DAB1: variants seen among roughly 807,000 people sequenced by gnomAD.
The protein encoded by DAB1 is DAB adaptor protein 1.
Under a neutral mutation model 64.6 loss-of-function variants are expected in DAB1, and 15 were observed. The ratio of observed to expected loss-of-function variants is 0.23; its 90% CI spans 0.16 to 0.36. The LOEUF is 0.36. Among genes scored for constraint, DAB1 ranks in the 10% least tolerant of loss-of-function variants. The pLI, the probability that DAB1 is intolerant of heterozygous loss-of-function variation, is 1.00. For synonymous variants in DAB1, 235 were observed against 251.9 expected (o/e 0.93, Z 0.64); for missense variants, 596 against 706.7 (o/e 0.84, Z 1.78).
intron 7 of DAB1, among the ~76,000 whole-genome samples, chr1:57,648,315 G>A (rs1476875310): frequency 3.9e-5 from 6 of 152,192 alleles, no homozygotes; most frequent in African/African-American, 7.2e-5. Context: ...AGTGTCCCCC[G>A]ACCCCAACCC....
chr1:57,050,319 CA>C (rs1215869530), intron 9 of DAB1, among the ~76,000 whole-genome samples: 1 of 152,202 alleles, frequency 6.6e-6, no homozygotes, highest in East Asian at 1.9e-4. Context: ...CTGAAAAAAG[CA>C]AAACTGATGT....
chr1:57,347,095 G>GGGAGAGC (rs1469655229), intron 1 of DAB1, among the ~76,000 whole-genome samples: 3 of 152,198 alleles, frequency 2.0e-5, no homozygotes, highest in Non-Finnish European at 4.4e-5. Context: ...AAGGCAGGAA[G>GGGAGAGC]GGAGAGCCCA....
At chr1:57,854,349 G>A (rs1653662936) in intron 1 of DAB1, among the ~76,000 whole-genome samples, 1 of 152,170 alleles carries the variant, frequency 6.6e-6, no homozygotes, top group African/African-American at 2.4e-5. Flanking sequence ...TCATTACTGG[G>A]CCTATGGGTC....
intron 4 of DAB1, among the ~76,000 whole-genome samples, chr1:58,341,654 C>T (rs1643935812): frequency 6.6e-6 from 1 of 152,130 alleles, no homozygotes; most frequent in Admixed American, 6.6e-5. Context: ...ACTCGAAATC[C>T]CAGGCCTTTA....
chr1:58,544,535 G>C (rs1265378407), intron 1 of DAB1, among the ~76,000 whole-genome samples: 1 of 152,102 alleles, frequency 6.6e-6, no homozygotes, highest in Non-Finnish European at 1.5e-5. Context: ...AATTTCTACG[G>C]GATGTATTAT....
intron 5 of DAB1, among the ~76,000 whole-genome samples, chr1:58,041,575 C>T (rs895564662): frequency 2.0e-5 from 3 of 152,176 alleles, no homozygotes; most frequent in Non-Finnish European, 4.4e-5. Flanking sequence ...GAGTAACCTG[C>T]CTAAGCTCAC....
intron 4 of DAB1, among the ~76,000 whole-genome samples, chr1:58,336,664 T>G (rs1408255914): frequency 6.6e-6 from 1 of 152,202 alleles, no homozygotes. Flanking sequence ...CAATCCTTTA[T>G]CAGAAAATGG....
At chr1:57,899,793 G>A (rs757472834) in intron 5 of DAB1, among the ~76,000 whole-genome samples, 9 of 151,926 alleles carry the variant, frequency 5.9e-5, no homozygotes, top group African/African-American at 1.5e-4. Flanking sequence ...TCCGGCTCTC[G>A]CATTGGACTA....
At chr1:57,190,453 T>G (rs1024878856) in intron 2 of DAB1, among the ~76,000 whole-genome samples, 2 of 152,138 alleles carry the variant, frequency 1.3e-5, no homozygotes, top group African/African-American at 2.4e-5. Context: ...CTGGTCATGA[T>G]GAACATAGCT....
intron 5 of DAB1, among the ~76,000 whole-genome samples, chr1:58,094,438 G>C (rs4912301): frequency 1.3e-5 from 2 of 152,108 alleles, no homozygotes; most frequent in Non-Finnish European, 2.9e-5. Flanking sequence ...TTTGCTTTTA[G>C]GAAGCAGAAC....
chr1:57,529,172 G>A (rs149690536), intron 7 of DAB1, among the ~76,000 whole-genome samples: 1 of 152,162 alleles, frequency 6.6e-6, no homozygotes, highest in East Asian at 1.9e-4. Context: ...TTGAAGGTAG[G>A]ATGTAAGTCA....
At chr1:57,908,217 G>A (rs1163394605) in intron 5 of DAB1, among the ~76,000 whole-genome samples, 10 of 152,098 alleles carry the variant, frequency 6.6e-5, no homozygotes, top group Non-Finnish European at 1.0e-4. Context: ...GTCCCCAGAA[G>A]TGTATCTTTG....
intron 4 of DAB1, among the ~76,000 whole-genome samples, chr1:58,180,545 T>C (rs1656738314): frequency 6.6e-6 from 1 of 152,170 alleles, no homozygotes; most frequent in East Asian, 1.9e-4. Flanking sequence ...TCCTCTCACC[T>C]TGGCTTCCCG....
intron 7 of DAB1, among the ~76,000 whole-genome samples, chr1:57,585,365 G>C (rs1303638046): frequency 2.0e-5 from 3 of 150,720 alleles, no homozygotes; most frequent in Non-Finnish European, 4.4e-5. Context: ...CCACTGTACT[G>C]TATTTAAAGC....
chr1:57,629,554 A>G (rs1170930538), intron 7 of DAB1, among the ~76,000 whole-genome samples: 2 of 152,188 alleles, frequency 1.3e-5, no homozygotes, highest in African/African-American at 4.8e-5. Flanking sequence ...ACCATAACAC[A>G]TCATTCAACC....
chr1:57,965,857 GA>G, intron 5 of DAB1, among the ~76,000 whole-genome samples: 1 of 152,210 alleles, frequency 6.6e-6, no homozygotes. Flanking sequence ...CATTAAAGTG[GA>G]AGACTTCCAT....
chr1:58,127,169 T>C (rs1231484446), intron 5 of DAB1, among the ~76,000 whole-genome samples: 40 of 151,912 alleles, frequency 2.6e-4, no homozygotes, highest in Non-Finnish European at 5.4e-4. Flanking sequence ...TGTGAGATGG[T>C]ATCTCATTGT....
chr1:57,168,409 C>T (rs2100913108), intron 2 of DAB1, among the ~76,000 whole-genome samples: 1 of 152,278 alleles, frequency 6.6e-6, no homozygotes, highest in East Asian at 1.9e-4. Context: ...ATTTCTTTAT[C>T]CTTACTCCCA....
At chr1:57,756,557 A>G (rs1476096605) in intron 6 of DAB1, among the ~76,000 whole-genome samples, 2 of 152,142 alleles carry the variant, frequency 1.3e-5, no homozygotes, top group Non-Finnish European at 2.9e-5. Context: ...ATCGGAAATG[A>G]CATGATCAGA....
Sources: allele counts gnomAD v4.1 joint callset (sites outside exome capture counted in the v4.1 genomes callset), GRCh38; gene constraint gnomAD v4.1.1; transcripts MANE v1.5; gene names NCBI Gene and HGNC (gene_info 2026-07-23, HGNC 2026-07-21).